PDE4B: variants seen among roughly 807,000 people sequenced by gnomAD.
PDE4B encodes 3',5'-cyclic-AMP phosphodiesterase 4B.
PDE4B carries 20 observed loss-of-function variants against 82.2 expected under a neutral mutation model. The observed-to-expected ratio is 0.24, with a 90% CI of 0.17 to 0.35. The LOEUF is 0.35. Among genes scored for constraint, PDE4B ranks in the 10% least tolerant of loss-of-function variants. The pLI is 1.00. For synonymous variants in PDE4B, 320 were observed against 318.9 expected, an observed-to-expected ratio of 1.00 and a Z score of -0.04; for missense variants, 655 against 907.2, an observed-to-expected ratio of 0.72 and a Z score of 3.57.
At chr1:66,352,792 T>C (rs147692431) in intron 8 of PDE4B, among the ~76,000 whole-genome samples, 1 of 152,194 alleles carries the variant, frequency 6.6e-6, no homozygotes, top group Non-Finnish European at 1.5e-5. Context: ...GGCAAATACG[T>C]GAAAAAAGGG....
intron 3 of PDE4B, among the ~76,000 whole-genome samples, chr1:66,017,112 T>C (rs1457255271): frequency 6.6e-6 from 1 of 152,210 alleles, no homozygotes; most frequent in Non-Finnish European, 1.5e-5. Context: ...AAGCAATTCT[T>C]TGCCTTTTTT....
At chr1:66,201,187 G>T (rs1272063400) in intron 3 of PDE4B, among the ~76,000 whole-genome samples, 2 of 152,170 alleles carry the variant, frequency 1.3e-5, no homozygotes, top group Non-Finnish European at 2.9e-5. Context: ...TGCATCCCAG[G>T]GATGAAGCCC....
intron 9 of PDE4B, 79 bp from the exon 10 acceptor site, chr1:66,361,536 T>C: frequency 1.9e-6 from 2 of 1,068,430 alleles, no homozygotes; most frequent in East Asian, 2.4e-5. Context: ...CTGTTATAGA[T>C]GGTTAGAGTT....
At chr1:66,311,726 A>G (rs1393499774) in intron 7 of PDE4B, among the ~76,000 whole-genome samples, 1 of 152,226 alleles carries the variant, frequency 6.6e-6, no homozygotes, top group African/African-American at 2.4e-5. Flanking sequence ...GTCAAATGTC[A>G]CCAGCATCAT....
At chr1:66,136,731 A>G (rs958249565) in intron 3 of PDE4B, among the ~76,000 whole-genome samples, 2 of 151,698 alleles carry the variant, frequency 1.3e-5, no homozygotes. Flanking sequence ...AGAATGTTCA[A>G]AAAGGAAGAT....
chr1:66,228,460 T>TA (rs1367211074), intron 3 of PDE4B, among the ~76,000 whole-genome samples: 1 of 151,916 alleles, frequency 6.6e-6, no homozygotes, highest in African/African-American at 2.4e-5. Context: ...CCATCTCTAC[T>TA]AAAAATACAA....
intron 7 of PDE4B, among the ~76,000 whole-genome samples, chr1:66,305,970 A>G (rs192829819): frequency 3.3e-5 from 5 of 152,230 alleles, no homozygotes; most frequent in African/African-American, 1.2e-4. Context: ...GAGGCACCCA[A>G]TAGACTGCGT....
At chr1:65,910,343 C>G (rs746328914) in intron 1 of PDE4B, among the ~76,000 whole-genome samples, 18 of 152,306 alleles carry the variant, frequency 1.2e-4, no homozygotes, top group East Asian at 1.9e-4. Context: ...CTCAAAGTAT[C>G]AAAACCAATC....
chr1:66,124,437 T>C (rs1394011102), intron 3 of PDE4B, among the ~76,000 whole-genome samples: 1 of 152,200 alleles, frequency 6.6e-6, no homozygotes, highest in African/African-American at 2.4e-5. Flanking sequence ...TCTGCAGTGC[T>C]CCTATTTCGG....
At chr1:66,124,130 C>T (rs1346429946) in intron 3 of PDE4B, among the ~76,000 whole-genome samples, 1 of 152,120 alleles carries the variant, frequency 6.6e-6, no homozygotes, top group Non-Finnish European at 1.5e-5. Flanking sequence ...GGATTTGTCT[C>T]ATGAGAGGCG....
At chr1:66,022,299 T>G (rs1462202339) in intron 3 of PDE4B, among the ~76,000 whole-genome samples, 1 of 152,210 alleles carries the variant, frequency 6.6e-6, no homozygotes, top group Non-Finnish European at 1.5e-5. Context: ...ATACCCTGTA[T>G]TTCTTTCTCT....
chr1:66,361,961 G>A (rs975856043), intron 10 of PDE4B, among the ~76,000 whole-genome samples, 168 bp downstream of exon 10: 1 of 152,196 alleles, frequency 6.6e-6, no homozygotes, highest in African/African-American at 2.4e-5. Flanking sequence ...CCTTCTGAAA[G>A]CTGTCATTTG....
intron 7 of PDE4B, among the ~76,000 whole-genome samples, chr1:66,294,666 AT>A (rs35704964): frequency 1.3e-5 from 2 of 152,034 alleles, no homozygotes; most frequent in Non-Finnish European, 1.5e-5. Flanking sequence ...TTTTATCTGT[AT>A]TTTTTTGTTA....
At chr1:66,022,940 G>C (rs1210861268) in intron 3 of PDE4B, among the ~76,000 whole-genome samples, 3 of 152,066 alleles carry the variant, frequency 2.0e-5, no homozygotes, top group African/African-American at 4.8e-5. Flanking sequence ...TCTGGTCCTG[G>C]ACTTTTTTTC....
rs181885562 is a variant in PDE4B, at chr1:66,211,027, T to C, written c.282-36433T>C. 2.6e-5 allele frequency among the ~76,000 whole-genome samples: 4 copies of C among 152,322 alleles called. No individual in the cohort carries two copies. In the East Asian group the frequency reaches 7.7e-4, roughly 29 times the overall value. On this transcript the variant is annotated intron_variant, in intron 3 of 16. Coordinates refer to ENST00000341517, the MANE Select transcript of PDE4B (RefSeq NM_002600.4). The stretch of plus-strand genomic sequence containing the variant: ...GTGTGGACCAAAAGCACTTGCCTTC[T>C]AATTATGACATCAGGGCTTGCTTAA...
chr1:66,343,420 G>A (rs6699914), intron 8 of PDE4B, among the ~76,000 whole-genome samples: 5,845 of 152,254 alleles, frequency 0.038, 374 homozygotes, highest in African/African-American at 0.13. Context: ...CTCCTAGGAC[G>A]CCAAACTGTG....
chr1:65,983,038 C>G (rs1416972599), intron 3 of PDE4B, among the ~76,000 whole-genome samples: 1 of 152,184 alleles, frequency 6.6e-6, no homozygotes, highest in Non-Finnish European at 1.5e-5. Context: ...AAGGACAGAA[C>G]ACTGAGCCAA....
intron 1 of PDE4B, among the ~76,000 whole-genome samples, 181 bp from the exon 2 acceptor site, chr1:65,913,064 T>C (rs543603527): frequency 6.6e-6 from 1 of 152,342 alleles, no homozygotes; most frequent in East Asian, 1.9e-4. Flanking sequence ...CTTGGATTTT[T>C]GTATTAATAT....
chr1:66,122,703 CTT>C lies in PDE4B; in HGVS notation c.282-124739_282-124738del, dbSNP rs3036785. Among the ~76,000 whole-genome samples the C allele has an allele frequency of 9.4e-4, 105 of 111,946 alleles. 1 individual carries two copies. Among genetic ancestry groups the C allele is most frequent in the Admixed American group, 6.2e-3 (61 of 9,816 alleles). The allele number at this position is 111,946 out of a possible 152,430, so 73.4% of individuals were successfully genotyped here. On this transcript the variant is annotated intron_variant, in intron 3 of 16. Transcript: ENST00000341517. ...AGGATTTTTTTCTTTCTCTTCTTTT[CTT>C]TTTTTTTTTTTTTTTTTGAGACAGA...
Sources: allele counts gnomAD v4.1 joint callset (sites outside exome capture counted in the v4.1 genomes callset), GRCh38; gene constraint gnomAD v4.1.1; transcripts MANE v1.5; gene names NCBI Gene and HGNC (gene_info 2026-07-23, HGNC 2026-07-21).